Variants in NCKAP1 observed in about 807,000 individuals in gnomAD.
NCKAP1 encodes nck-associated protein 1.
NCKAP1 carries 21 observed loss-of-function variants against 151.2 expected under a neutral mutation model. The observed-to-expected ratio is 0.14, with a 90% CI of 0.10 to 0.20. The LOEUF is 0.20. NCKAP1 is among the 10% of genes least tolerant of loss of function. The pLI is 1.00. For synonymous variants in NCKAP1, 484 were observed against 451.8 expected, an observed-to-expected ratio of 1.07 and a Z score of -0.90; for missense variants, 933 against 1,352.1, an observed-to-expected ratio of 0.69 and a Z score of 4.86.
rs1247412733 is a variant in NCKAP1, at chr2:182,909,355, A to AT, written c.*16346dup. The AT allele has an allele frequency of 6.6e-6, 1 of 151,892 alleles. No homozygotes were observed. The highest frequency in any genetic ancestry group is 1.5e-5 in the Non-Finnish European group (1 of 67,984). The allele number at this position is 151,892 out of a possible 1,614,324, so 9.4% of individuals were successfully genotyped here. A position where few individuals can be genotyped will look rare whatever the true frequency, so the allele number is the denominator to read the frequency against. ...TGTTCCCTTCATACACCTTCTCTTC[A>AT]TTTCCCTCTCCTTGCCAGCCCCTGC... On this transcript the variant is annotated 3_prime_UTR_variant, in exon 31 of 31. Transcript: ENST00000361354.
chr2:182,972,870 T>C (rs968012734), intron 15 of NCKAP1, among the ~76,000 whole-genome samples: 4 of 152,088 alleles, frequency 2.6e-5, no homozygotes, highest in Non-Finnish European at 5.9e-5. Flanking sequence ...ACGCAGAGAA[T>C]AGTATGATGG....
rs1338190428 is a variant in NCKAP1, at chr2:183,010,134, T to G, written c.220-6809A>C. ...CTTAAAATTTGTGTCCATGCCTCCT[T>G]GCAATAGAACTCTACTGCCTCCATT... is the stretch of plus-strand genomic sequence containing the variant. On this transcript the variant is annotated intron_variant, in intron 2 of 30. Transcript: ENST00000361354. Among the ~76,000 whole-genome samples, 3 of 152,350 alleles carry G rather than the reference T, an allele frequency of 2.0e-5. No homozygotes were observed. The East Asian group carries it at 5.8e-4, about 29-fold the overall frequency.
chr2:183,037,049 TG>T (rs2105904681), intron 1 of NCKAP1, among the ~76,000 whole-genome samples: 1 of 152,330 alleles, frequency 6.6e-6, no homozygotes, highest in African/African-American at 2.4e-5. Context: ...GAGATTTTGT[TG>T]TTTTGTCCTA....
intron 8 of NCKAP1, among the ~76,000 whole-genome samples, chr2:182,992,441 C>T (rs780536941): frequency 2.6e-5 from 4 of 152,104 alleles, no homozygotes; most frequent in Non-Finnish European, 5.9e-5. Context: ...TCAGCATTCC[C>T]GTTTAAAATA....
intron 24 of NCKAP1, 67 bp from the exon 25 acceptor site, chr2:182,935,442 GA>G: frequency 1.1e-6 from 1 of 904,142 alleles, no homozygotes; most frequent in Non-Finnish European, 1.6e-6. Context: ...CTTAAACTTG[GA>G]AAAAAATCTA....
At position 182,922,061 on chromosome 2, in the gene NCKAP1, T is replaced by A. The variant is rs533487659; in HGVS notation, c.*3641A>T. 6.6e-6 allele frequency: 1 copy of A among 152,224 alleles called. No individual in the cohort carries two copies. The highest frequency in any genetic ancestry group is 2.1e-4 in the South Asian group (1 of 4,826). The allele number at this position is 152,224 out of a possible 1,614,324, so 9.4% of individuals were successfully genotyped here. A position where few individuals can be genotyped will look rare whatever the true frequency, so the allele number is the denominator to read the frequency against. On this transcript the variant is annotated 3_prime_UTR_variant, in exon 31 of 31. Coordinates refer to ENST00000361354, the MANE Select transcript of NCKAP1 (RefSeq NM_013436.5). ...TCAGGCCTTCAAATGAAATGATGGT[T>A]CATGCTGTCATTTCAAGTGACTACA...
rs1381912304 is a variant in NCKAP1 at position 182,930,777 on chromosome 2, A to G, written c.2871T>C (p.Asn957=). 1.9e-6 allele frequency: 3 copies of G among 1,612,746 alleles called. No individual in the cohort carries two copies. The highest frequency in any genetic ancestry group is 2.5e-6 in the Non-Finnish European group (3 of 1,178,986). The change falls in exon 27 of 31, where the codon AAT becomes AAC. Residue 957 remains asparagine (N), a synonymous_variant. Transcript: ENST00000361354. ...PRETDMKVAM[N]VYELSSAAGL... is the part of the protein sequence containing the mutation. The stretch of plus-strand genomic sequence containing the variant: ...CGGCAGCTGATGATAACTCATACAC[A>G]TTCATTGCAACCTGATAAAAACAAA...
chr2:182,990,695 C>T (rs1698149500), intron 8 of NCKAP1, among the ~76,000 whole-genome samples: 1 of 152,078 alleles, frequency 6.6e-6, no homozygotes, highest in Non-Finnish European at 1.5e-5. Context: ...TGAGACTTCC[C>T]TATGATTCTC....
intron 23 of NCKAP1, among the ~76,000 whole-genome samples, chr2:182,944,114 T>A (rs1314536904): frequency 6.6e-6 from 1 of 152,144 alleles, no homozygotes; most frequent in Non-Finnish European, 1.5e-5. Flanking sequence ...GAAGTAAAAT[T>A]TGTGAACCAT....
At chr2:182,974,314 C>T (rs1305057538) in intron 15 of NCKAP1, among the ~76,000 whole-genome samples, 10 of 147,608 alleles carry the variant, frequency 6.8e-5, no homozygotes, top group Admixed American at 6.8e-4. Flanking sequence ...GTCTGAGTGA[C>T]TGCATGTTCT....
intron 2 of NCKAP1, among the ~76,000 whole-genome samples, chr2:183,022,562 G>A (rs1238948490): frequency 6.6e-6 from 1 of 152,128 alleles, no homozygotes; most frequent in African/African-American, 2.4e-5. Flanking sequence ...CGAAGCAGAA[G>A]GATCCCTTGA....
chr2:182,933,407 T>C (rs1696805572), intron 26 of NCKAP1, among the ~76,000 whole-genome samples: 1 of 150,332 alleles, frequency 6.7e-6, no homozygotes. Context: ...TTTTTTTTTT[T>C]TGGAGACGGG....
chr2:183,038,296 C>T lies in NCKAP1; in HGVS notation c.-197G>A. On this transcript the variant is annotated 5_prime_UTR_variant, in exon 1 of 31. Transcript: ENST00000361354. ...CGGCGGACTCCTCGGAGCCCCTTCT[C>T]CCGCAGCAGCCCGCGCCCCGGCAGC... 1 of 370,406 alleles carries T rather than the reference C, an allele frequency of 2.7e-6. No homozygotes were observed. The highest frequency in any genetic ancestry group is 4.8e-6 in the Non-Finnish European group (1 of 208,876). 22.9% of individuals were successfully genotyped at this position (370,406 alleles called of 1,614,324 possible).
chr2:183,025,181 T>C (rs1304683867), intron 1 of NCKAP1, among the ~76,000 whole-genome samples: 1 of 152,212 alleles, frequency 6.6e-6, no homozygotes, highest in African/African-American at 2.4e-5. Context: ...AATAAATTTA[T>C]AGAGTTTATA....
At chr2:182,998,081 T>C (rs148014837) in intron 6 of NCKAP1, among the ~76,000 whole-genome samples, 1 of 152,266 alleles carries the variant, frequency 6.6e-6, no homozygotes, top group Non-Finnish European at 1.5e-5. Flanking sequence ...AAACACCATA[T>C]GATCATCTCA....
chr2:182,954,219 G>A (rs1237626588), intron 20 of NCKAP1, among the ~76,000 whole-genome samples: 1 of 151,636 alleles, frequency 6.6e-6, no homozygotes, highest in Non-Finnish European at 1.5e-5. Flanking sequence ...AACAAAATAA[G>A]GCAACAAACA....
intron 2 of NCKAP1, among the ~76,000 whole-genome samples, chr2:183,004,205 C>T (rs1322770209): frequency 6.6e-6 from 1 of 151,272 alleles, no homozygotes; most frequent in Non-Finnish European, 1.5e-5. Flanking sequence ...ACAAGATACC[C>T]AGGTGTTGTA....
intron 23 of NCKAP1, 104 bp from the exon 24 acceptor site, chr2:182,942,267 A>G (rs1452240753): frequency 2.4e-5 from 19 of 806,604 alleles, no homozygotes; most frequent in Non-Finnish European, 3.8e-5. Context: ...AACACAATTC[A>G]TGAAATCCAG....
intron 23 of NCKAP1, among the ~76,000 whole-genome samples, chr2:182,945,622 CT>C (rs1697088198): frequency 6.6e-6 from 1 of 152,196 alleles, no homozygotes; most frequent in African/African-American, 2.4e-5. Flanking sequence ...CTTTGATCCA[CT>C]TTTAGAAATG....
Sources: allele counts gnomAD v4.1 joint callset (sites outside exome capture counted in the v4.1 genomes callset), GRCh38; gene constraint gnomAD v4.1.1; transcripts MANE v1.5; gene names NCBI Gene and HGNC (gene_info 2026-07-23, HGNC 2026-07-21).